The following CDH13 variants were observed in gnomAD, a reference collection of about 807,000 sequenced individuals.
The protein encoded by CDH13 is cadherin-13.
A neutral mutation model predicts 63.8 loss-of-function variants in CDH13; 24 were observed. The observed-to-expected ratio is 0.38, with a 90% CI of 0.27 to 0.53. The LOEUF (loss-of-function observed/expected upper bound fraction) is 0.53. Among genes scored for constraint, CDH13 ranks in the 20% least tolerant of loss-of-function variants. The pLI, the probability that CDH13 is intolerant of heterozygous loss-of-function variation, is 0.85. For missense variants in CDH13, 1,049 were observed against 903.1 expected, an observed-to-expected ratio of 1.16 and a Z score of -2.07; for synonymous variants, 503 against 355.3, an observed-to-expected ratio of 1.42 and a Z score of -4.67.
chr16:83,436,276 A>G (rs1363336190), intron 6 of CDH13, among the ~76,000 whole-genome samples: 1 of 152,178 alleles, frequency 6.6e-6, no homozygotes, highest in African/African-American at 2.4e-5. Context: ...ATTTCGCTAC[A>G]TATGTTTCTT....
At position 83,560,899 on chromosome 16, in the gene CDH13, G is replaced by GCCC. The variant is rs138383978; in HGVS notation, c.961-41547_961-41545dup. Among the ~76,000 whole-genome samples the GCCC allele has an allele frequency of 6.1e-4, 91 of 148,574 alleles. 1 individual carries two copies. Among genetic ancestry groups the GCCC allele is most frequent in the East Asian group, 4.4e-3 (22 of 4,988 alleles). Reference sequence around the variant, plus strand: ...CAAGGACAAGTGTACCATAAGGTTGGCCCCCCCCCCGCCCCAGGGGCTGAG... The same window carrying GCCC: ...CAAGGACAAGTGTACCATAAGGTTGGCCCCCCCCCCCCCGCCCCAGGGGCTGAG... On this transcript the variant is annotated intron_variant, in intron 7 of 13. Transcript: ENST00000567109.
intron 5 of CDH13, among the ~76,000 whole-genome samples, chr16:83,292,515 T>C (rs753071083): frequency 6.6e-6 from 1 of 152,134 alleles, no homozygotes; most frequent in Non-Finnish European, 1.5e-5. Context: ...CGACAAAAAG[T>C]GTAGAGCCAT....
At position 83,344,890 on chromosome 16, in the gene CDH13, G is replaced by A; in HGVS notation, c.665G>A (p.Gly222Asp). 4 of 1,613,888 alleles carry A rather than the reference G, an allele frequency of 2.5e-6. No homozygotes were observed. The highest frequency in any genetic ancestry group is 3.4e-6 in the Non-Finnish European group (4 of 1,179,806). The change falls in exon 6 of 14, where the codon GGC becomes GAC. Residue 222 changes from glycine (G) to aspartate (D), a missense_variant. Coordinates refer to ENST00000567109, the MANE Select transcript of CDH13 (RefSeq NM_001257.5). ...TTTGTGGAGACCACTGATGTCAATG[G>A]CAAAACTCTCGAGGGGCCGGTGCCT... ...QLFVETTDVNGKTLEGPVPLE... is the reference protein window; with the variant it reads ...QLFVETTDVNDKTLEGPVPLE...
chr16:83,186,215 G>T (rs575532471), intron 4 of CDH13, among the ~76,000 whole-genome samples: 45 of 151,350 alleles, frequency 3.0e-4, no homozygotes, highest in Middle Eastern at 3.4e-3. Context: ...GATCACTGCA[G>T]CCAACCTCCG....
intron 6 of CDH13, among the ~76,000 whole-genome samples, chr16:83,418,790 G>T (rs910007808): frequency 2.0e-5 from 3 of 152,146 alleles, no homozygotes; most frequent in Non-Finnish European, 4.4e-5. Context: ...GGAAAGACAG[G>T]AGAAGACCTA....
chr16:83,633,374 G>A (rs180831705), intron 8 of CDH13, among the ~76,000 whole-genome samples: 49 of 152,282 alleles, frequency 3.2e-4, no homozygotes, highest in African/African-American at 1.1e-3. Context: ...CAGTGGTTCC[G>A]GAGGTTTGAC....
At chr16:83,748,394 A>G (rs948216364) in intron 11 of CDH13, 144 bp downstream of exon 11, 1 of 698,302 alleles carries the variant, frequency 1.4e-6, no homozygotes, top group Non-Finnish European at 2.3e-6. Context: ...GTTTAAATAT[A>G]CACATGTTGA....
intron 7 of CDH13, among the ~76,000 whole-genome samples, chr16:83,577,147 T>C (rs893930617): frequency 6.6e-6 from 1 of 152,166 alleles, no homozygotes; most frequent in Admixed American, 6.5e-5. Flanking sequence ...TTCACTTCCA[T>C]CCAAGCATCA....
intron 10 of CDH13, among the ~76,000 whole-genome samples, chr16:83,719,995 C>T (rs190837038): frequency 2.6e-5 from 4 of 152,222 alleles, no homozygotes; most frequent in South Asian, 4.1e-4. Context: ...TGCACATCAG[C>T]GAGCCTCCAT....
At chr16:83,612,661 C>G (rs563504657) in intron 8 of CDH13, among the ~76,000 whole-genome samples, 18 of 151,892 alleles carry the variant, frequency 1.2e-4, no homozygotes, top group South Asian at 4.1e-4. Context: ...GCTCTAATAA[C>G]TTATTAGTTA....
At chr16:83,393,040 G>A (rs2151431973) in intron 6 of CDH13, among the ~76,000 whole-genome samples, 1 of 152,204 alleles carries the variant, frequency 6.6e-6, no homozygotes, top group Middle Eastern at 3.4e-3. Flanking sequence ...GCCCTTTCAA[G>A]GGCCAGAGAC....
At chr16:82,657,493 C>G (rs1251057526) in intron 1 of CDH13, among the ~76,000 whole-genome samples, 1 of 152,174 alleles carries the variant, frequency 6.6e-6, no homozygotes, top group East Asian at 1.9e-4. Context: ...CATCATGCAA[C>G]TCAGAACAGC....
At chr16:82,880,497 A>C (rs1044844655) in intron 2 of CDH13, among the ~76,000 whole-genome samples, 4 of 152,106 alleles carry the variant, frequency 2.6e-5, no homozygotes, top group Admixed American at 2.0e-4. Flanking sequence ...TATTTTGGTG[A>C]TGGATTTAGG....
intron 5 of CDH13, among the ~76,000 whole-genome samples, chr16:83,243,263 A>T (rs777029488): frequency 6.6e-6 from 1 of 152,212 alleles, no homozygotes; most frequent in Non-Finnish European, 1.5e-5. Flanking sequence ...TTTATAAAGA[A>T]AATGAAGTTT....
chr16:83,247,617 T>G (rs1905099384), intron 5 of CDH13, among the ~76,000 whole-genome samples: 1 of 152,218 alleles, frequency 6.6e-6, no homozygotes, highest in Admixed American at 6.5e-5. Context: ...ACTAGAATAC[T>G]TCTGGATTTT....
At chr16:83,225,789 A>T (rs1179154797) in intron 5 of CDH13, among the ~76,000 whole-genome samples, 2 of 152,182 alleles carry the variant, frequency 1.3e-5, no homozygotes, top group African/African-American at 4.8e-5. Context: ...AAGTTTTTCC[A>T]TTGTGAAGCC....
chr16:83,586,195 G>A (rs747599885), intron 7 of CDH13, among the ~76,000 whole-genome samples: 6 of 152,200 alleles, frequency 3.9e-5, no homozygotes, highest in Non-Finnish European at 8.8e-5. Context: ...GGGAAGGTCC[G>A]CAGCCTGGGG....
intron 7 of CDH13, among the ~76,000 whole-genome samples, chr16:83,585,651 A>G (rs1906081126): frequency 6.6e-6 from 1 of 152,056 alleles, no homozygotes; most frequent in African/African-American, 2.4e-5. Flanking sequence ...AGCTGGAGGA[A>G]TAAGCAGGAT....
intron 5 of CDH13, among the ~76,000 whole-genome samples, chr16:83,288,222 C>T (rs564885045): frequency 1.3e-4 from 20 of 152,170 alleles, no homozygotes; most frequent in Non-Finnish European, 2.4e-4. Context: ...TCCTCTAGCC[C>T]AGCCCCAATA....
Sources: allele counts gnomAD v4.1 joint callset (sites outside exome capture counted in the v4.1 genomes callset), GRCh38; gene constraint gnomAD v4.1.1; transcripts MANE v1.5; gene names NCBI Gene and HGNC (gene_info 2026-07-23, HGNC 2026-07-21).